MINDY4: variants seen among roughly 807,000 people sequenced by gnomAD.
MINDY4 encodes probable ubiquitin carboxyl-terminal hydrolase MINDY-4.
In MINDY4, 68 loss-of-function variants were observed where a neutral mutation model predicts 87.0. That is an observed-to-expected ratio of 0.78 (90% CI 0.64 to 0.96). The LOEUF is 0.96. MINDY4 is among the 40% of genes least tolerant of loss of function. The probability of loss-of-function intolerance (pLI) is 0.00; values close to 1 mark genes in which losing one functional copy is unlikely to be tolerated. For synonymous variants in MINDY4, 379 were observed against 363.2 expected, an observed-to-expected ratio of 1.04 and a Z score of -0.50; for missense variants, 919 against 928.2, an observed-to-expected ratio of 0.99 and a Z score of 0.13.
intron 6 of MINDY4, among the ~76,000 whole-genome samples, chr7:30,831,552 G>A (rs188341121): frequency 1.1e-4 from 16 of 152,302 alleles, no homozygotes; most frequent in Non-Finnish European, 1.9e-4. Context: ...AGGCTGGACC[G>A]GCATGGTGGG....
rs565353579 is a variant in MINDY4 at position 30,855,281 on chromosome 7, TA to T, written c.1677+1825del. Among the ~76,000 whole-genome samples, 42 of 152,332 alleles carry T rather than the reference TA, an allele frequency of 2.8e-4. 1 individual carries two copies. The South Asian group carries it at 8.5e-3, about 31-fold the overall frequency. Reference sequence around the variant, plus strand: ...AAGGGTGGTCCTCAAAGAAGAACCTTAAACACTTGGAGAAGGGTGTCTTCCA... The same window carrying T: ...AAGGGTGGTCCTCAAAGAAGAACCTTAACACTTGGAGAAGGGTGTCTTCCA... On this transcript the variant is annotated intron_variant, in intron 12 of 17. Coordinates refer to ENST00000265299, the MANE Select transcript of MINDY4 (RefSeq NM_032222.3).
chr7:30,837,555 C>T (rs911375133), intron 7 of MINDY4, among the ~76,000 whole-genome samples: 1 of 152,212 alleles, frequency 6.6e-6, no homozygotes, highest in African/African-American at 2.4e-5. Flanking sequence ...TCTCATATCT[C>T]CCCCTTCTTC....
At chr7:30,882,842 C>G in intron 16 of MINDY4, 79 bp from the exon 17 acceptor site, 6 of 1,319,328 alleles carry the variant, frequency 4.5e-6, no homozygotes, top group Non-Finnish European at 6.5e-6. Context: ...GGGGGCGGGT[C>G]TCGGGAGTGG....
intron 13 of MINDY4, among the ~76,000 whole-genome samples, chr7:30,863,794 A>AC (rs1425131905): frequency 1.3e-5 from 2 of 152,108 alleles, no homozygotes; most frequent in African/African-American, 4.8e-5. Flanking sequence ...TTTTTTTTCC[A>AC]CTTGATTTCA....
At chr7:30,812,200 G>A (rs1649418500) in intron 5 of MINDY4, among the ~76,000 whole-genome samples, 1 of 148,806 alleles carries the variant, frequency 6.7e-6, no homozygotes, top group Admixed American at 6.8e-5. Flanking sequence ...ATTTAGGGAT[G>A]GTATATCATG....
At chr7:30,869,902 CTGT>C (rs1451070690) in intron 13 of MINDY4, among the ~76,000 whole-genome samples, 47 of 152,316 alleles carry the variant, frequency 3.1e-4, no homozygotes, top group African/African-American at 1.1e-3. Flanking sequence ...AGTGCTGAGG[CTGT>C]TGTTCCTCTG....
rs1787317088 is a variant in MINDY4 at position 30,791,340 on chromosome 7, T to C, written c.839T>C (p.Val280Ala). The C allele has an allele frequency of 1.2e-6, 2 of 1,614,084 alleles. No homozygotes were observed. The highest frequency in any genetic ancestry group is 4.5e-5 in the East Asian group (2 of 44,870). The change falls in exon 5 of 18, where the codon GTA becomes GCA. Residue 280 changes from valine (V) to alanine (A), a missense_variant. Val to Ala is a moderately conservative substitution (Grantham distance 64). Coordinates refer to ENST00000265299, the MANE Select transcript of MINDY4 (RefSeq NM_032222.3). ...CTGGGTCAGCTTAGTGAACTGACCG[T>C]AGAAAGGCAGAAAACCACTGCCAGC... ...TSLGQLSELT[V>A]ERQKTTASSP...
At chr7:30,786,085 A>G (rs1787151759) in intron 4 of MINDY4, 93 bp downstream of exon 4, 10 of 1,523,796 alleles carry the variant, frequency 6.6e-6, no homozygotes, top group South Asian at 3.8e-5. Flanking sequence ...GGTACCCCAC[A>G]GGGCAGTCCG....
At chr7:30,819,840 AT>A (rs1479712403) in intron 5 of MINDY4, among the ~76,000 whole-genome samples, 1 of 151,070 alleles carries the variant, frequency 6.6e-6, no homozygotes, top group African/African-American at 2.4e-5. Flanking sequence ...TATTTTTGCC[AT>A]GCTTTACTGT....
chr7:30,858,422 A>T (rs1188607305), intron 12 of MINDY4: 1 of 152,184 alleles, frequency 6.6e-6, no homozygotes, highest in Non-Finnish European at 1.5e-5. Flanking sequence ...GGAGTCCAGG[A>T]GTGTTTCCAT....
At chr7:30,823,922 G>C (rs936037129) in intron 5 of MINDY4, among the ~76,000 whole-genome samples, 4 of 152,142 alleles carry the variant, frequency 2.6e-5, no homozygotes, top group African/African-American at 9.7e-5. Flanking sequence ...CTTTGGTTAG[G>C]TGTGCTGGGG....
intron 3 of MINDY4, among the ~76,000 whole-genome samples, chr7:30,784,191 G>A (rs748165935): frequency 6.6e-5 from 10 of 152,180 alleles, no homozygotes; most frequent in Non-Finnish European, 1.3e-4. Context: ...TTACTACCTG[G>A]CTGGGAAGTG....
chr7:30,848,997 G>A (rs956704081), intron 9 of MINDY4, among the ~76,000 whole-genome samples: 3 of 152,206 alleles, frequency 2.0e-5, no homozygotes, highest in Non-Finnish European at 1.5e-5. Flanking sequence ...TTAAAGCCAC[G>A]AGGGAGGTGC....
intron 15 of MINDY4, among the ~76,000 whole-genome samples, chr7:30,880,309 C>G (rs867444758): frequency 4.7e-5 from 7 of 148,734 alleles, no homozygotes; most frequent in East Asian, 4.0e-4. Flanking sequence ...CGCACCCCCC[C>G]CCACCCCCGA....
chr7:30,823,349 GTGTA>G (rs1788398903), intron 5 of MINDY4, among the ~76,000 whole-genome samples: 2 of 152,164 alleles, frequency 1.3e-5, no homozygotes, highest in African/African-American at 4.8e-5. Flanking sequence ...ACATTGGAGT[GTGTA>G]AAATGATGAT....
intron 5 of MINDY4, among the ~76,000 whole-genome samples, chr7:30,815,156 G>A (rs889873111): frequency 6.6e-6 from 1 of 152,218 alleles, no homozygotes; most frequent in African/African-American, 2.4e-5. Flanking sequence ...CAGCTTTTCA[G>A]TCCACTGTGG....
At chr7:30,874,804 G>A (rs1310080967) in intron 14 of MINDY4, among the ~76,000 whole-genome samples, 1 of 152,178 alleles carries the variant, frequency 6.6e-6, no homozygotes, top group Non-Finnish European at 1.5e-5. Flanking sequence ...GTTCAAACAA[G>A]GCCTGGAGTT....
At chr7:30,882,619 C>G (rs1038302592) in intron 16 of MINDY4, among the ~76,000 whole-genome samples, 6 of 152,198 alleles carry the variant, frequency 3.9e-5, no homozygotes, top group African/African-American at 1.4e-4. Flanking sequence ...GCCCTGAATA[C>G]TATGCTGACA....
At chr7:30,872,345 T>C in intron 14 of MINDY4, 39 bp downstream of exon 14, 1 of 1,591,042 alleles carries the variant, frequency 6.3e-7, no homozygotes, top group South Asian at 1.1e-5. Context: ...TCCTTCCCCC[T>C]CCTCTGTCCC....
Sources: gnomAD v4.1 joint callset for allele counts (sites outside exome capture counted in the v4.1 genomes callset) on GRCh38, gnomAD v4.1.1 for gene constraint, MANE v1.5 for transcripts, NCBI Gene and HGNC (gene_info 2026-07-23, HGNC 2026-07-21) for gene names.